The following IFT140 variants were observed in gnomAD, a reference collection of about 807,000 sequenced individuals.
IFT140 encodes intraflagellar transport 140.
In IFT140, 133 loss-of-function variants were observed where a neutral mutation model predicts 164.6. That is an observed-to-expected ratio of 0.81 (90% CI 0.70 to 0.93). IFT140 has a LOEUF of 0.93. Among genes scored for constraint, IFT140 ranks in the 40% least tolerant of loss-of-function variants. The pLI is 0.00. For synonymous variants in IFT140, 860 were observed against 817.3 expected, an observed-to-expected ratio of 1.05 and a Z score of -0.89; for missense variants, 2,045 against 1,972.3, an observed-to-expected ratio of 1.04 and a Z score of -0.70.
rs144096820 is a variant in IFT140, at chr16:1,610,285, G to T, written c.-32+379C>A. 5.3e-3 allele frequency: 829 copies of T among 155,022 alleles called. 8 individuals carry two copies. Among genetic ancestry groups the T allele is most frequent in the African/African-American group, 0.019 (797 of 41,670 alleles). 9.6% of individuals were successfully genotyped at this position (155,022 alleles called of 1,614,324 possible). On this transcript the variant is annotated intron_variant, in intron 2 of 30. Coordinates refer to ENST00000426508, the MANE Select transcript of IFT140 (RefSeq NM_014714.4). ...GGTTTGATGCAACACGACCCTCAGG[G>T]CCGACCCAGCGAGTGACCAAACATA...
At chr16:1,534,497 G>A (rs766628137) in intron 19 of IFT140, 1 of 1,609,572 alleles carries the variant, frequency 6.2e-7, no homozygotes, top group South Asian at 1.1e-5. Flanking sequence ...ATGACTGTGA[G>A]GCGCTGGGCT....
chr16:1,526,362 C>G, intron 20 of IFT140: 1 of 546,632 alleles, frequency 1.8e-6, no homozygotes, highest in South Asian at 2.1e-5. Context: ...GCCCTGCTGA[C>G]CTGGGGGTCT....
At chr16:1,511,248 T>A (rs1451382388) in intron 30 of IFT140, 98 bp from the exon 31 acceptor site, 13 of 1,164,444 alleles carry the variant, frequency 1.1e-5, no homozygotes, top group Admixed American at 7.9e-5. Flanking sequence ...TGGAGGCGGG[T>A]GGGGGTGCCT....
At chr16:1,558,363 G>A (rs12446290) in intron 18 of IFT140, among the ~76,000 whole-genome samples, 8,181 of 152,316 alleles carry the variant, frequency 0.054, 447 homozygotes, top group Admixed American at 0.17. Context: ...AGCAAAGGCT[G>A]CCCGTGCAGG....
At chr16:1,556,369 T>C (rs2033082700) in intron 19 of IFT140, among the ~76,000 whole-genome samples, 1 of 152,188 alleles carries the variant, frequency 6.6e-6, no homozygotes, top group Admixed American at 6.5e-5. Flanking sequence ...GCAACCACAG[T>C]CCTGGTGCCT....
intron 19 of IFT140, chr16:1,554,978 G>A (rs1157129770): frequency 1.2e-5 from 19 of 1,613,648 alleles, no homozygotes; most frequent in Admixed American, 1.7e-5. Flanking sequence ...CCCTGACAGC[G>A]CGCTTTCGCC....
At chr16:1,575,946 G>C (rs1745528013) in intron 13 of IFT140, among the ~76,000 whole-genome samples, 1 of 152,138 alleles carries the variant, frequency 6.6e-6, no homozygotes, top group African/African-American at 2.4e-5. Context: ...GAACAACACA[G>C]GTCTGATTTT....
chr16:1,526,300 C>G, intron 20 of IFT140: 1 of 584,416 alleles, frequency 1.7e-6, no homozygotes, highest in Non-Finnish European at 3.0e-6. Context: ...CCTCCCACAG[C>G]CCCCCTCCCA....
Position 1,520,827 on chromosome 16 carries a change from G to A in IFT140, c.3454-19C>T. 5.6e-6 allele frequency: 9 copies of A among 1,594,666 alleles called. No homozygotes were observed. The highest frequency in any genetic ancestry group is 7.7e-6 in the Non-Finnish European group (9 of 1,176,386). Reference sequence around the variant, plus strand: ...CCTGATACTGCAAAGGTGCAGAAATGGGACGGGGCTGCCGAGGGGGCCGGG... The same window carrying A: ...CCTGATACTGCAAAGGTGCAGAAATAGGACGGGGCTGCCGAGGGGGCCGGG... On this transcript the variant is annotated intron_variant, in intron 26 of 30. Coordinates refer to ENST00000426508, the MANE Select transcript of IFT140 (RefSeq NM_014714.4).
chr16:1,514,899 A>G (rs938352172), intron 30 of IFT140, among the ~76,000 whole-genome samples: 1 of 152,194 alleles, frequency 6.6e-6, no homozygotes, highest in Non-Finnish European at 1.5e-5. Flanking sequence ...ACAAATTAAC[A>G]AATAGGGAAT....
At chr16:1,555,307 G>A in intron 19 of IFT140, 3 of 450,300 alleles carry the variant, frequency 6.7e-6, no homozygotes, top group Non-Finnish European at 1.2e-5. Flanking sequence ...TGGAAGCTGA[G>A]ACACAGGTTA....
At chr16:1,608,589 C>T (rs767008130) in intron 2 of IFT140, among the ~76,000 whole-genome samples, 53 of 145,182 alleles carry the variant, frequency 3.7e-4, no homozygotes, top group Middle Eastern at 3.6e-3. Context: ...GCTGAGATCG[C>T]GCCACTGTAC....
Position 1,564,262 on chromosome 16 carries a change from G to C in IFT140, c.1902-100C>G. 9.6e-7 allele frequency: 1 copy of C among 1,039,626 alleles called. No individual in the cohort carries two copies. Among genetic ancestry groups the C allele is most frequent in the Non-Finnish European group, 1.3e-6 (1 of 745,078 alleles). 64.4% of individuals were successfully genotyped at this position (1,039,626 alleles called of 1,614,324 possible). On this transcript the variant is annotated intron_variant, in intron 16 of 30. Coordinates refer to ENST00000426508, the MANE Select transcript of IFT140 (RefSeq NM_014714.4). This position sits in a 1 kb window ranked among gnomAD's most constrained non-coding sequence, Gnocchi z 5.5. ...CCCGAAGCCTCCAGGTGCTGTCCCA[G>C]ACCATGGTGTCCACGCGCTCAGCTC...
In IFT140 at chr16:1,589,943, T is replaced by C. The variant is rs571851851; in HGVS notation, c.635-163A>G. 3.3e-5 allele frequency among the ~76,000 whole-genome samples: 5 copies of C among 152,278 alleles called. No homozygotes were observed. In the South Asian group the frequency reaches 1.0e-3, roughly 32 times the overall value. ...CGGGCAAAGTGGCTCATGCCTGTAA[T>C]CCCAGCACTTTGGGAGGCCGAGGCT... is the stretch of plus-strand genomic sequence containing the variant. On this transcript the variant is annotated intron_variant, in intron 6 of 30. Transcript: ENST00000426508.
Position 1,568,439 on chromosome 16 carries a change from G to T in IFT140, c.1653-105C>A, listed in dbSNP as rs1054703647. On this transcript the variant is annotated intron_variant, in intron 14 of 30. Coordinates refer to ENST00000426508, the MANE Select transcript of IFT140 (RefSeq NM_014714.4). ...CCGGATGAGTGCTGCACAGCTCTTA[G>T]GCTGCTTCTCACCCTGGGTGGCGCG... 9.8e-6 allele frequency: 9 copies of T among 921,164 alleles called. No individual in the cohort carries two copies. In the African/African-American group the frequency reaches 1.1e-4, roughly 12 times the overall value. 57.1% of individuals were successfully genotyped at this position (921,164 alleles called of 1,614,324 possible).
chr16:1,597,541 A>G (rs376410726), intron 4 of IFT140, among the ~76,000 whole-genome samples: 4 of 152,320 alleles, frequency 2.6e-5, no homozygotes. Context: ...CTGGTGGAAG[A>G]GCAGGGAAGC....
chr16:1,583,288 C>G, intron 12 of IFT140, 26 bp downstream of exon 12: 1 of 1,605,104 alleles, frequency 6.2e-7, no homozygotes, highest in Non-Finnish European at 8.5e-7. Context: ...AGTGGGAGTG[C>G]CTCTGTCCGG....
chr16:1,553,474 C>A lies in IFT140; in HGVS notation c.2399+4461G>T, dbSNP rs1311269450. 1.0e-6 allele frequency: 1 copy of A among 985,306 alleles called. No homozygotes were observed. Among genetic ancestry groups the A allele is most frequent in the South Asian group, 4.7e-5 (1 of 21,290 alleles). 61.0% of individuals were successfully genotyped at this position (985,306 alleles called of 1,614,324 possible). On this transcript the variant is annotated intron_variant, in intron 19 of 30. Transcript: ENST00000426508. This position sits in a 1 kb window ranked among gnomAD's most constrained non-coding sequence, Gnocchi z 4.4. ...CACAGGTGTCAACATGCAGGCCAGGCGGAGGGACAGCAGTGGGGCTCGGCG... is the reference window on the plus strand; with the variant it reads ...CACAGGTGTCAACATGCAGGCCAGGAGGAGGGACAGCAGTGGGGCTCGGCG...
chr16:1,540,186 G>A (rs2031496800), intron 19 of IFT140, among the ~76,000 whole-genome samples: 1 of 152,342 alleles, frequency 6.6e-6, no homozygotes, highest in Admixed American at 6.5e-5. Flanking sequence ...GTGAGCGCTG[G>A]AGCAGCACCC....
Sources: gnomAD v4.1 joint callset for allele counts (sites outside exome capture counted in the v4.1 genomes callset) on GRCh38, gnomAD v4.1.1 for gene constraint, Gnocchi (gnomAD v3.1) non-coding constraint, MANE v1.5 for transcripts, NCBI Gene and HGNC (gene_info 2026-07-23, HGNC 2026-07-21) for gene names.